Variants in NELL2 observed in about 807,000 individuals in gnomAD.
The protein encoded by NELL2 is neural EGFL like 2.
Under a neutral mutation model 109.6 loss-of-function variants are expected in NELL2, and 41 were observed. The ratio of observed to expected loss-of-function variants is 0.37; its 90% CI spans 0.29 to 0.49. The LOEUF (loss-of-function observed/expected upper bound fraction) is 0.49. Among genes scored for constraint, NELL2 ranks in the 20% least tolerant of loss-of-function variants. The probability of loss-of-function intolerance (pLI) is 0.98; values close to 1 mark genes in which losing one functional copy is unlikely to be tolerated. For synonymous variants in NELL2, 355 were observed against 344.7 expected (o/e 1.03, Z -0.33); for missense variants, 900 against 1,008.3 (o/e 0.89, Z 1.45).
At chr12:44,607,348 T>G in intron 14 of NELL2, 84 bp from the exon 15 acceptor site, 1 of 1,015,786 alleles carries the variant, frequency 9.8e-7, no homozygotes, top group Non-Finnish European at 1.4e-6. Context: ...ATTATCCCCT[T>G]GGAGATGTAA....
At chr12:44,901,786 A>G (rs938460256) in intron 1 of NELL2, among the ~76,000 whole-genome samples, 12 of 152,220 alleles carry the variant, frequency 7.9e-5, no homozygotes, top group Non-Finnish European at 1.5e-4. Context: ...CATAAACAGA[A>G]CCAATGACAA....
At chr12:44,615,121 T>C (rs1206934629) in intron 13 of NELL2, among the ~76,000 whole-genome samples, 1 of 152,004 alleles carries the variant, frequency 6.6e-6, no homozygotes, top group Non-Finnish European at 1.5e-5. Context: ...ATTGCTAAAG[T>C]AGAGAAGTAA....
chr12:44,821,520 C>T (rs1943542683), intron 2 of NELL2, among the ~76,000 whole-genome samples: 1 of 152,146 alleles, frequency 6.6e-6, no homozygotes, highest in South Asian at 2.1e-4. Flanking sequence ...TACTCATTTG[C>T]ATTTCTGTTT....
intron 16 of NELL2, among the ~76,000 whole-genome samples, chr12:44,529,947 T>A (rs2139004360): frequency 6.6e-6 from 1 of 152,336 alleles, no homozygotes; most frequent in East Asian, 1.9e-4. Flanking sequence ...GCTTTTGTTT[T>A]GTTTTCAAAG....
upstream of NELL2, among the ~76,000 whole-genome samples, chr12:44,918,513 ATGTATGTGTG>A (rs1264935749): frequency 0.014 from 1,706 of 121,396 alleles, 38 homozygotes; most frequent in African/African-American, 0.05. Flanking sequence ...TCATGCATGC[ATGTATGTGTG>A]TGTGTGTGTG....
intron 9 of NELL2, among the ~76,000 whole-genome samples, chr12:44,720,269 C>G (rs1465086204): frequency 6.6e-6 from 1 of 152,136 alleles, no homozygotes; most frequent in Non-Finnish European, 1.5e-5. Context: ...CCAGCATGGG[C>G]CCTGCATAAT....
intron 18 of NELL2, 58 bp from the exon 19 acceptor site, chr12:44,520,287 G>C: frequency 9.3e-6 from 13 of 1,396,160 alleles, no homozygotes; most frequent in African/African-American, 1.4e-5. Flanking sequence ...ATGGAGGGAG[G>C]CCAGGAAAAA....
At chr12:44,562,233 T>C (rs1050875533) in intron 15 of NELL2, among the ~76,000 whole-genome samples, 2 of 152,066 alleles carry the variant, frequency 1.3e-5, no homozygotes, top group Non-Finnish European at 2.9e-5. Flanking sequence ...ACCAAGGCAA[T>C]ACCATTCAGG....
At chr12:44,740,366 G>A (rs955276438) in intron 9 of NELL2, among the ~76,000 whole-genome samples, 1 of 152,140 alleles carries the variant, frequency 6.6e-6, no homozygotes, top group Non-Finnish European at 1.5e-5. Flanking sequence ...GCAGAAAAAA[G>A]GGAAGCAAAG....
intron 1 of NELL2, among the ~76,000 whole-genome samples, chr12:44,885,289 A>G (rs557046284): frequency 3.9e-5 from 6 of 152,084 alleles, no homozygotes; most frequent in African/African-American, 1.4e-4. Context: ...AGAAAAAAAA[A>G]TTAAAAATTA....
chr12:44,905,379 C>T (rs1220954124), intron 1 of NELL2, among the ~76,000 whole-genome samples: 1 of 151,418 alleles, frequency 6.6e-6, no homozygotes, highest in African/African-American at 2.4e-5. Flanking sequence ...TAGATTTCCC[C>T]TTTTGATGTT....
At position 44,518,336 on chromosome 12, in the gene NELL2, C is replaced by A. The variant is rs541068046; in HGVS notation, c.2400+1669G>T. ...CTCAGCTCACTGCAAGCTCCACCTC[C>A]CGGGTTCACGCCATTCTCCTACCTC... On this transcript the variant is annotated intron_variant, in intron 19 of 19. Transcript: ENST00000429094. 5.7e-4 allele frequency among the ~76,000 whole-genome samples: 86 copies of A among 152,052 alleles called. No homozygotes were observed. The South Asian group carries it at 0.018, about 31-fold the overall frequency.
intron 3 of NELL2, among the ~76,000 whole-genome samples, chr12:44,792,134 T>C (rs182764634): frequency 1.5e-3 from 234 of 152,238 alleles, no homozygotes; most frequent in African/African-American, 5.3e-3. Flanking sequence ...TTAAGTAAGA[T>C]GAAGAATTAA....
At chr12:44,918,235 A>G (rs536627629), upstream of NELL2, among the ~76,000 whole-genome samples, 27 of 152,312 alleles carry the variant, frequency 1.8e-4, no homozygotes, top group African/African-American at 6.3e-4. Flanking sequence ...TTTACCCTAA[A>G]GTACAGATCC....
chr12:44,876,222 G>A lies in NELL2; in HGVS notation c.-353C>T. The A allele has an allele frequency of 8.5e-7, 1 of 1,179,510 alleles. No individual in the cohort carries two copies. Among genetic ancestry groups the A allele is most frequent in the South Asian group, 2.7e-5 (1 of 37,666 alleles). The allele number at this position is 1,179,510 out of a possible 1,614,324, so 73.1% of individuals were successfully genotyped here. On this transcript the variant is annotated 5_prime_UTR_variant, in exon 1 of 20. Coordinates refer to ENST00000429094, the MANE Select transcript of NELL2 (RefSeq NM_001145108.2). ...CAGCCAAAGACTCGCACACCCGGTAGAAGGGGGGCGGCCCCAAGAAAGCCC... is the reference window on the plus strand; with the variant it reads ...CAGCCAAAGACTCGCACACCCGGTAAAAGGGGGGCGGCCCCAAGAAAGCCC...
At position 44,811,705 on chromosome 12, in the gene NELL2, G is replaced by A. The variant is rs189341334; in HGVS notation, c.335+4281C>T. Reference sequence around the variant, plus strand: ...CAGAGCAGGCTTCCCAATAAGCTAGGTGTTCACTGCAAATAGCCCATATGG... The same window carrying A: ...CAGAGCAGGCTTCCCAATAAGCTAGATGTTCACTGCAAATAGCCCATATGG... On this transcript the variant is annotated intron_variant, in intron 3 of 19. Coordinates refer to ENST00000429094, the MANE Select transcript of NELL2 (RefSeq NM_001145108.2). 2.9e-3 allele frequency among the ~76,000 whole-genome samples: 445 copies of A among 152,136 alleles called. 3 individuals are homozygous for A. The highest frequency in any genetic ancestry group is 9.8e-3 in the African/African-American group (406 of 41,510).
intron 9 of NELL2, among the ~76,000 whole-genome samples, chr12:44,740,768 C>T: frequency 6.6e-6 from 1 of 152,108 alleles, no homozygotes. Flanking sequence ...ATACAAGTCC[C>T]ATTTTTCTGT....
intron 9 of NELL2, among the ~76,000 whole-genome samples, chr12:44,729,236 G>A (rs1435209853): frequency 6.6e-6 from 1 of 151,724 alleles, no homozygotes; most frequent in African/African-American, 2.4e-5. Flanking sequence ...AGTGTAGGGG[G>A]AGGGGAGTAA....
At chr12:44,568,633 T>C (rs758456269) in intron 15 of NELL2, among the ~76,000 whole-genome samples, 1 of 151,996 alleles carries the variant, frequency 6.6e-6, no homozygotes, top group Non-Finnish European at 1.5e-5. Context: ...ATTAATGAAA[T>C]TGTTTCTGAC....
Sources: allele counts gnomAD v4.1 joint callset (sites outside exome capture counted in the v4.1 genomes callset), GRCh38; gene constraint gnomAD v4.1.1; transcripts MANE v1.5; gene names NCBI Gene and HGNC (gene_info 2026-07-23, HGNC 2026-07-21).